The following MARK3 variants were observed in gnomAD, a reference collection of about 807,000 sequenced individuals.
MARK3 encodes the protein microtubule affinity regulating kinase 3, also known as MAP/microtubule affinity-regulating kinase 3.
In MARK3, 46 loss-of-function variants were observed where a neutral mutation model predicts 90.1. The observed-to-expected ratio is 0.51, with a 90% CI of 0.40 to 0.65. The LOEUF is 0.65. Ranked by LOEUF, MARK3 falls within the 30% of genes least tolerant of loss-of-function variation. MARK3 has a pLI of 0.00. For missense variants in MARK3, 818 were observed against 947.2 expected (o/e 0.86, Z 1.79); for synonymous variants, 321 against 332.6 (o/e 0.97, Z 0.38).
chr14:103,408,715 C>T (rs908947958), intron 2 of MARK3, among the ~76,000 whole-genome samples: 3 of 152,030 alleles, frequency 2.0e-5, no homozygotes, highest in East Asian at 1.9e-4. Context: ...CCTGTGTGTG[C>T]GGAGACTTGG....
chr14:103,446,247 C>T (rs2141267535), intron 3 of MARK3, among the ~76,000 whole-genome samples: 1 of 152,304 alleles, frequency 6.6e-6, no homozygotes, highest in Middle Eastern at 3.4e-3. Context: ...TGTTCTGTGG[C>T]CAGGCGCGGT....
At chr14:103,462,859 C>G (rs909528674) in intron 7 of MARK3, among the ~76,000 whole-genome samples, 7 of 152,168 alleles carry the variant, frequency 4.6e-5, no homozygotes, top group African/African-American at 1.7e-4. Flanking sequence ...AGCCTCTGCC[C>G]TCACTCTGGC....
rs2089718958 is a variant in MARK3 at position 103,385,504 on chromosome 14, G to A, written c.-526G>A. 3 of 154,588 alleles carry A rather than the reference G, an allele frequency of 1.9e-5. No individual in the cohort carries two copies. In the South Asian group the frequency reaches 5.2e-4, roughly 27 times the overall value. The allele number at this position is 154,588 out of a possible 1,614,324, so 9.6% of individuals were successfully genotyped here. ...TGAGGCAGCAAGCTCGCTAGAGAGG[G>A]AGAAGCAGTCGGGCGCAGGCGCCTC... is the stretch of plus-strand genomic sequence containing the variant. On this transcript the variant is annotated 5_prime_UTR_variant, in exon 1 of 18. Coordinates refer to ENST00000429436, the MANE Select transcript of MARK3 (RefSeq NM_001128918.3).
At chr14:103,387,227 C>T (rs983147342) in intron 1 of MARK3, among the ~76,000 whole-genome samples, 22 of 152,178 alleles carry the variant, frequency 1.4e-4, no homozygotes, top group African/African-American at 5.1e-4. Flanking sequence ...TTCAAAAATG[C>T]CGCTTGTTTG....
In MARK3 at chr14:103,449,658, G is replaced by A. The variant is rs117139773; in HGVS notation, c.346+691G>A. ...GTGTGTTTAAAGATGAGGAAGGAGC[G>A]ACATGGTCCTACCCTTAGAGTAACT... On this transcript the variant is annotated intron_variant, in intron 4 of 17. Coordinates refer to ENST00000429436, the MANE Select transcript of MARK3 (RefSeq NM_001128918.3). Among the ~76,000 whole-genome samples the A allele has an allele frequency of 1.7e-3, 260 of 152,170 alleles. 1 individual carries two copies. Among genetic ancestry groups the A allele is most frequent in the Non-Finnish European group, 3.2e-3 (215 of 67,998 alleles).
Position 103,417,969 on chromosome 14 carries a change from T to C in MARK3, c.244-10418T>C, listed in dbSNP as rs181701619. Among the ~76,000 whole-genome samples the C allele has an allele frequency of 2.7e-3, 410 of 152,188 alleles. 2 individuals are homozygous for C. Among genetic ancestry groups the C allele is most frequent in the African/African-American group, 9.4e-3 (392 of 41,514 alleles). On this transcript the variant is annotated intron_variant, in intron 2 of 17. Coordinates refer to ENST00000429436, the MANE Select transcript of MARK3 (RefSeq NM_001128918.3). ...CTGTAATCCCAGCTACTCAGGAGGC[T>C]GAGGCAGGAAAATCTCTTGAACCCG...
chr14:103,490,499 A>G (rs1344450927), intron 14 of MARK3: 2 of 152,244 alleles, frequency 1.3e-5, no homozygotes. Flanking sequence ...AGCCTGGATA[A>G]TATAGCGAGA....
chr14:103,415,464 A>G (rs766701876), intron 2 of MARK3, among the ~76,000 whole-genome samples: 1 of 152,190 alleles, frequency 6.6e-6, no homozygotes, highest in Non-Finnish European at 1.5e-5. Context: ...TGAAAATGCT[A>G]CCCATTATCC....
intron 5 of MARK3, among the ~76,000 whole-genome samples, chr14:103,456,221 G>A (rs1258634301): frequency 6.6e-6 from 1 of 152,134 alleles, no homozygotes; most frequent in Non-Finnish European, 1.5e-5. Context: ...TTTCATGATT[G>A]GTTTGATTAT....
At chr14:103,437,167 A>G (rs746878502) in intron 3 of MARK3, among the ~76,000 whole-genome samples, 2 of 152,168 alleles carry the variant, frequency 1.3e-5, no homozygotes, top group Non-Finnish European at 2.9e-5. Flanking sequence ...AGAAATAGAA[A>G]AACCGGCTTT....
intron 6 of MARK3, among the ~76,000 whole-genome samples, chr14:103,459,824 G>C (rs769783561): frequency 2.0e-5 from 3 of 151,572 alleles, no homozygotes; most frequent in African/African-American, 4.8e-5. Flanking sequence ...CTCAATTTCT[G>C]TGCTTTCTAG....
chr14:103,454,528 G>C (rs945041390), intron 5 of MARK3, among the ~76,000 whole-genome samples: 3 of 152,144 alleles, frequency 2.0e-5, no homozygotes, highest in Non-Finnish European at 4.4e-5. Context: ...GGGATTATAG[G>C]TGTGAGCCAC....
intron 5 of MARK3, among the ~76,000 whole-genome samples, chr14:103,453,248 TGAA>T (rs1332425916): frequency 1.3e-5 from 2 of 152,204 alleles, no homozygotes; most frequent in African/African-American, 2.4e-5. Context: ...TCATTGTCTG[TGAA>T]GGGCAGAAGC....
chr14:103,410,414 T>C (rs563324000), intron 2 of MARK3, among the ~76,000 whole-genome samples: 5 of 152,350 alleles, frequency 3.3e-5, no homozygotes, highest in African/African-American at 1.2e-4. Flanking sequence ...GGAGGGGACA[T>C]TCATTCAAAC....
chr14:103,475,186 C>T lies in MARK3; in HGVS notation c.1458C>T (p.Arg486=), dbSNP rs766954946. The change falls in exon 13 of 18, where the codon CGC becomes CGT. Residue 486 remains arginine (R), a synonymous_variant. Transcript: ENST00000429436. ...CTAATAAGGCGGATATTCCTGAACG[C>T]AAGAAAAGCTCCACTGTCCCTAGTG... ...SNPNKADIPE[R]KKSSTVPSSN... is the part of the protein sequence containing the mutation. 3 of 1,613,460 alleles carry T rather than the reference C, an allele frequency of 1.9e-6. No individual in the cohort carries two copies. Among genetic ancestry groups the T allele is most frequent in the Non-Finnish European group, 2.5e-6 (3 of 1,179,996 alleles).
chr14:103,460,450 T>A (rs1017538933), intron 6 of MARK3, among the ~76,000 whole-genome samples: 14 of 152,220 alleles, frequency 9.2e-5, no homozygotes, highest in Admixed American at 5.2e-4. Context: ...GACGCTCTTT[T>A]ATGTATGATT....
chr14:103,483,303 G>A (rs968145765), intron 14 of MARK3, among the ~76,000 whole-genome samples: 2 of 152,046 alleles, frequency 1.3e-5, no homozygotes. Context: ...AAATATTTTC[G>A]ACATTTAGCC....
At chr14:103,443,511 C>T (rs375734625) in intron 3 of MARK3, among the ~76,000 whole-genome samples, 5 of 151,972 alleles carry the variant, frequency 3.3e-5, no homozygotes, top group African/African-American at 7.3e-5. Flanking sequence ...ATGATGGTAA[C>T]GGAATTAAAA....
At chr14:103,478,330 A>C (rs2093754509) in intron 13 of MARK3, among the ~76,000 whole-genome samples, 1 of 150,992 alleles carries the variant, frequency 6.6e-6, no homozygotes, top group Admixed American at 6.6e-5. Context: ...GTATCCCTTA[A>C]GTAATCACTT....
Sources: allele counts gnomAD v4.1 joint callset (sites outside exome capture counted in the v4.1 genomes callset), GRCh38; gene constraint gnomAD v4.1.1; transcripts MANE v1.5; gene names NCBI Gene and HGNC (gene_info 2026-07-23, HGNC 2026-07-21).